TOM1L2: variants seen among roughly 807,000 people sequenced by gnomAD.
The protein encoded by TOM1L2 is target of myb1 like 2 membrane trafficking protein, also known as TOM1-like protein 2.
TOM1L2 carries 31 observed loss-of-function variants against 67.9 expected under a neutral mutation model. The observed-to-expected ratio is 0.46, with a 90% CI of 0.34 to 0.62. The LOEUF is 0.62. TOM1L2 is among the 20% of genes least tolerant of loss of function. The pLI is 0.01. For synonymous variants in TOM1L2, 256 were observed against 254.0 expected (o/e 1.01, Z -0.07); for missense variants, 606 against 663.5 (o/e 0.91, Z 0.95).
intron 1 of TOM1L2, among the ~76,000 whole-genome samples, chr17:17,950,763 TA>T (rs1266162852): frequency 6.6e-6 from 1 of 152,020 alleles, no homozygotes; most frequent in Non-Finnish European, 1.5e-5. Context: ...TGTGCCCAAG[TA>T]AAAAAAGTTA....
intron 1 of TOM1L2, among the ~76,000 whole-genome samples, chr17:17,932,241 GAAGAC>G (rs1182943153): frequency 3.3e-5 from 5 of 152,254 alleles, no homozygotes; most frequent in Admixed American, 1.3e-4. Flanking sequence ...TTTGAAAGTA[GAAGAC>G]AAGACCAAGA....
In TOM1L2 at chr17:17,884,786, C is replaced by T; in HGVS notation, c.367-18G>A. ...GCCCATGCCTGGGATAATAGAAGGCCTGTTAGGAAGCATTTCTCAGAGCTG... is the reference window on the plus strand; with the variant it reads ...GCCCATGCCTGGGATAATAGAAGGCTTGTTAGGAAGCATTTCTCAGAGCTG... On this transcript the variant is annotated intron_variant, in intron 4 of 14. Transcript: ENST00000379504. The T allele has an allele frequency of 5.0e-6, 8 of 1,612,702 alleles. No homozygotes were observed. Among genetic ancestry groups the T allele is most frequent in the Admixed American group, 1.7e-5 (1 of 60,008 alleles).
At chr17:17,866,566 C>A (rs2036861427) in intron 9 of TOM1L2, 147 bp from the exon 10 acceptor site, 1 of 1,095,880 alleles carries the variant, frequency 9.1e-7, no homozygotes, top group Admixed American at 2.9e-5. Context: ...CCCCACCTGC[C>A]TTCCAGGTCC....
At chr17:17,922,584 G>A (rs1017471089) in intron 1 of TOM1L2, among the ~76,000 whole-genome samples, 25 of 152,128 alleles carry the variant, frequency 1.6e-4, no homozygotes, top group Non-Finnish European at 3.7e-4. Context: ...GGGACTGGGG[G>A]TCAGTCTTGG....
chr17:17,866,171 T>C, intron 10 of TOM1L2, 125 bp downstream of exon 10: 1 of 1,222,016 alleles, frequency 8.2e-7, no homozygotes, highest in South Asian at 1.7e-5. Context: ...GACTCAGGAA[T>C]ACACTTTCAC....
intron 1 of TOM1L2, among the ~76,000 whole-genome samples, chr17:17,921,998 G>T (rs899350598): frequency 4.6e-5 from 7 of 152,138 alleles, no homozygotes; most frequent in African/African-American, 1.7e-4. Context: ...TCCCAGAGAT[G>T]TGAATGCCAC....
intron 11 of TOM1L2, chr17:17,862,374 C>T (rs962451906): frequency 1.0e-5 from 2 of 194,010 alleles, no homozygotes; most frequent in Non-Finnish European, 2.1e-5. Context: ...TGCATGGCTG[C>T]ACCCTCCTGC....
At chr17:17,852,328 G>A (rs142748902) in intron 12 of TOM1L2, among the ~76,000 whole-genome samples, 201 of 152,282 alleles carry the variant, frequency 1.3e-3, no homozygotes, top group African/African-American at 4.7e-3. Context: ...GGTGGGGGAG[G>A]GTGGTTTGGG....
chr17:17,919,330 T>A (rs951301904), intron 1 of TOM1L2, among the ~76,000 whole-genome samples: 5 of 152,170 alleles, frequency 3.3e-5, no homozygotes, highest in African/African-American at 1.2e-4. Flanking sequence ...GCCCTCCCCT[T>A]GCACCCCCCT....
At chr17:17,908,754 T>C (rs549934260) in intron 1 of TOM1L2, among the ~76,000 whole-genome samples, 171 of 152,220 alleles carry the variant, frequency 1.1e-3, no homozygotes, top group African/African-American at 4.0e-3. Flanking sequence ...CTCACACCCA[T>C]TAGGATGGCT....
At chr17:17,863,942 C>A (rs2036702490) in intron 10 of TOM1L2, among the ~76,000 whole-genome samples, 1 of 152,154 alleles carries the variant, frequency 6.6e-6, no homozygotes. Flanking sequence ...TCTCAGCTCA[C>A]TGCAGCCTCA....
At chr17:17,953,188 G>C (rs541256232) in intron 1 of TOM1L2, among the ~76,000 whole-genome samples, 1 of 152,304 alleles carries the variant, frequency 6.6e-6, no homozygotes, top group South Asian at 2.1e-4. Context: ...GCTGAGGCAG[G>C]AGAACTGCTT....
At position 17,972,343 on chromosome 17, in the gene TOM1L2, C is replaced by A; in HGVS notation, c.-30G>T. On this transcript the variant is annotated 5_prime_UTR_variant, in exon 1 of 15. Transcript: ENST00000379504. ...GGTGGACAACACGCAGCGGCCCGGGCCCCCTGTCTGCCACCTAGGCCTCCG... is the reference window on the plus strand; with the variant it reads ...GGTGGACAACACGCAGCGGCCCGGGACCCCTGTCTGCCACCTAGGCCTCCG... 1.9e-6 allele frequency: 3 copies of A among 1,548,834 alleles called. No individual in the cohort carries two copies. Among genetic ancestry groups the A allele is most frequent in the Admixed American group, 2.0e-5 (1 of 51,014 alleles).
chr17:17,900,498 G>A (rs57277459), intron 2 of TOM1L2, among the ~76,000 whole-genome samples: 2,564 of 149,610 alleles, frequency 0.017, 85 homozygotes, highest in African/African-American at 0.06. Context: ...CTCCAGCCTG[G>A]GTGACAGAGT....
chr17:17,930,263 A>G (rs558253107), intron 1 of TOM1L2, among the ~76,000 whole-genome samples: 1 of 152,316 alleles, frequency 6.6e-6, no homozygotes, highest in South Asian at 2.1e-4. Flanking sequence ...AGAATTACCA[A>G]CATACAAACT....
chr17:17,863,917 A>G (rs917972969), intron 10 of TOM1L2, among the ~76,000 whole-genome samples: 3 of 152,038 alleles, frequency 2.0e-5, no homozygotes, highest in Non-Finnish European at 2.9e-5. Context: ...CCCAAGCTGG[A>G]GTGCAGTGGC....
chr17:17,964,517 G>A (rs1357359045), intron 1 of TOM1L2, among the ~76,000 whole-genome samples: 4 of 152,208 alleles, frequency 2.6e-5, no homozygotes, highest in South Asian at 2.1e-4. Flanking sequence ...TTGTGAGGAC[G>A]CACATTGTGG....
In TOM1L2 at chr17:17,898,613, C is replaced by T; in HGVS notation, c.199G>A (p.Val67Met). The T allele has an allele frequency of 6.2e-7, 1 of 1,614,244 alleles. No individual in the cohort carries two copies. Among genetic ancestry groups the T allele is most frequent in the Non-Finnish European group, 8.5e-7 (1 of 1,180,050 alleles). Residue 67 changes from valine (V) to methionine (M), a missense_variant, in exon 3 of 15, where the codon GTG (valine) becomes ATG (methionine). Around this residue, in one of 2 missense-constraint regions of TOM1L2, gnomAD observed 63 missense variants for 109.5 expected, o/e 0.58. Coordinates refer to ENST00000379504, the MANE Select transcript of TOM1L2 (RefSeq NM_001082968.2). ...GCACTCACTGTTAATGCCAGCATCA[C>T]CTCTCTGTAGTTCCGGTTCCCGTTG... ...RLNGNRNYRE[V>M]MLALTVLETC...
intron 1 of TOM1L2, among the ~76,000 whole-genome samples, chr17:17,925,696 A>T (rs2144650246): frequency 6.6e-6 from 1 of 151,154 alleles, no homozygotes; most frequent in East Asian, 1.9e-4. Context: ...AAAAAAAAAA[A>T]AAAAAAAAAT....
Sources: allele counts gnomAD v4.1 joint callset (sites outside exome capture counted in the v4.1 genomes callset), GRCh38; gene constraint gnomAD v4.1.1; regional missense constraint gnomAD v4.1.1; transcripts MANE v1.5; gene names NCBI Gene and HGNC (gene_info 2026-07-23, HGNC 2026-07-21).